Variants in PAM observed in about 807,000 individuals in gnomAD.
PAM encodes the protein peptidylglycine alpha-amidating monooxygenase, also known as peptidyl-glycine alpha-amidating monooxygenase.
Under a neutral mutation model 122.1 loss-of-function variants are expected in PAM, and 72 were observed. That is an observed-to-expected ratio of 0.59 (90% CI 0.49 to 0.72). PAM has a LOEUF of 0.72. PAM is among the 30% of genes least tolerant of loss of function. The pLI is 0.00. For synonymous variants in PAM, 389 were observed against 404.4 expected (o/e 0.96, Z 0.46); for missense variants, 1,106 against 1,183.7 (o/e 0.93, Z 0.96).
chr5:103,021,184 T>C (rs1411654027), intron 23 of PAM, among the ~76,000 whole-genome samples: 4 of 152,142 alleles, frequency 2.6e-5, no homozygotes, highest in African/African-American at 4.8e-5. Context: ...CCTACTAAGA[T>C]AGTACATTTT....
At chr5:102,939,193 T>C (rs1754255384) in intron 7 of PAM, among the ~76,000 whole-genome samples, 2 of 152,186 alleles carry the variant, frequency 1.3e-5, no homozygotes, top group African/African-American at 4.8e-5. Context: ...GAGAACATTC[T>C]AGCCTTCCTA....
chr5:103,015,680 C>G (rs1480242655), intron 21 of PAM, among the ~76,000 whole-genome samples: 1 of 152,114 alleles, frequency 6.6e-6, no homozygotes, highest in Admixed American at 6.5e-5. Flanking sequence ...CCACGCCTCC[C>G]CCTGAGTTCC....
At chr5:102,920,082 A>C (rs949977271) in intron 5 of PAM, among the ~76,000 whole-genome samples, 1 of 152,090 alleles carries the variant, frequency 6.6e-6, no homozygotes, top group Non-Finnish European at 1.5e-5. Context: ...CTTGGTTTCA[A>C]ATCTCAGCTC....
At chr5:102,761,353 C>G (rs916769428) in intron 1 of PAM, among the ~76,000 whole-genome samples, 2 of 152,158 alleles carry the variant, frequency 1.3e-5, no homozygotes, top group Non-Finnish European at 2.9e-5. Context: ...GTGTGGGCCA[C>G]AAGTACTGGG....
chr5:102,775,504 C>A (rs1354508457), intron 1 of PAM, among the ~76,000 whole-genome samples: 1 of 152,018 alleles, frequency 6.6e-6, no homozygotes, highest in Non-Finnish European at 1.5e-5. Context: ...CCACCACACC[C>A]CGAAAGGCCC....
At chr5:102,786,267 G>A (rs922863260) in intron 1 of PAM, among the ~76,000 whole-genome samples, 3 of 152,164 alleles carry the variant, frequency 2.0e-5, no homozygotes, top group Non-Finnish European at 2.9e-5. Context: ...TTGAACAGAC[G>A]TTACTTAAAC....
chr5:102,764,192 CA>C (rs1753221768), intron 1 of PAM, among the ~76,000 whole-genome samples: 1 of 151,914 alleles, frequency 6.6e-6, no homozygotes, highest in Non-Finnish European at 1.5e-5. Context: ...AAACTCTGAA[CA>C]GTACATAAAA....
At chr5:102,770,851 G>T (rs76978672) in intron 1 of PAM, among the ~76,000 whole-genome samples, 1 of 151,702 alleles carries the variant, frequency 6.6e-6, no homozygotes. Context: ...GGGTAATATT[G>T]GCATCACAGA....
At chr5:102,808,693 A>G (rs528270256) in intron 1 of PAM, among the ~76,000 whole-genome samples, 1 of 152,360 alleles carries the variant, frequency 6.6e-6, no homozygotes, top group South Asian at 2.1e-4. Context: ...AAGAAGAACC[A>G]TGCTGAGAAT....
chr5:102,967,953 C>A (rs1370322646), intron 14 of PAM, among the ~76,000 whole-genome samples: 1 of 152,076 alleles, frequency 6.6e-6, no homozygotes, highest in Non-Finnish European at 1.5e-5. Context: ...GAACTCCTGA[C>A]CTCAAGTGAT....
intron 23 of PAM, among the ~76,000 whole-genome samples, chr5:103,023,789 A>G (rs1784264572): frequency 6.6e-6 from 1 of 152,148 alleles, no homozygotes; most frequent in Admixed American, 6.6e-5. Flanking sequence ...TGGTGTGATG[A>G]TTAAAGGAAA....
chr5:102,783,826 G>T (rs1759710349), intron 1 of PAM, among the ~76,000 whole-genome samples: 1 of 152,118 alleles, frequency 6.6e-6, no homozygotes, highest in East Asian at 1.9e-4. Flanking sequence ...GCCTCAGGAA[G>T]ACCTAATTGT....
chr5:102,968,745 T>C (rs906294576), intron 14 of PAM, among the ~76,000 whole-genome samples: 1 of 152,078 alleles, frequency 6.6e-6, no homozygotes, highest in Non-Finnish European at 1.5e-5. Flanking sequence ...ACCCAGAATA[T>C]ACCCAAGGAT....
intron 3 of PAM, among the ~76,000 whole-genome samples, chr5:102,885,069 C>G (rs1792525238): frequency 7.2e-6 from 1 of 139,044 alleles, no homozygotes; most frequent in Admixed American, 6.9e-5. Flanking sequence ...CTTTAGCAAC[C>G]TTGTTTAATA....
chr5:102,957,259 T>A (rs1761043057), intron 12 of PAM, among the ~76,000 whole-genome samples: 1 of 152,156 alleles, frequency 6.6e-6, no homozygotes, highest in Non-Finnish European at 1.5e-5. Flanking sequence ...TCTTAAACAA[T>A]ACTAGCATTT....
intron 14 of PAM, among the ~76,000 whole-genome samples, chr5:102,963,132 C>T (rs918229245): frequency 1.3e-5 from 2 of 151,768 alleles, no homozygotes; most frequent in Non-Finnish European, 2.9e-5. Flanking sequence ...AGTAGCCTAA[C>T]CAAAAGCCAT....
At chr5:103,008,505 CAATT>C (rs1779698257) in intron 20 of PAM, among the ~76,000 whole-genome samples, 3 of 151,944 alleles carry the variant, frequency 2.0e-5, no homozygotes, top group Admixed American at 2.0e-4. Context: ...GAAAAATTCA[CAATT>C]AAAGGGCACA....
At chr5:102,875,103 A>G (rs1788721918) in intron 3 of PAM, among the ~76,000 whole-genome samples, 1 of 152,008 alleles carries the variant, frequency 6.6e-6, no homozygotes. Flanking sequence ...ACACACACAT[A>G]TATTTTTATT....
At chr5:102,918,555 T>A (rs1323727458) in intron 5 of PAM, among the ~76,000 whole-genome samples, 1 of 152,164 alleles carries the variant, frequency 6.6e-6, no homozygotes, top group Non-Finnish European at 1.5e-5. Context: ...TAGTAAATTT[T>A]GAGGATATCT....
Sources: allele counts gnomAD v4.1 joint callset (sites outside exome capture counted in the v4.1 genomes callset), GRCh38; gene constraint gnomAD v4.1.1; transcripts MANE v1.5; gene names NCBI Gene and HGNC (gene_info 2026-07-23, HGNC 2026-07-21).